Variants in CCL25 observed in about 807,000 individuals in gnomAD.
CCL25 encodes C-C motif chemokine ligand 25, also known as C-C motif chemokine 25.
In CCL25, 14 loss-of-function variants were observed where a neutral mutation model predicts 19.9. The ratio of observed to expected loss-of-function variants is 0.70; its 90% CI spans 0.47 to 1.10. The LOEUF is 1.10. CCL25 is among the 50% of genes least tolerant of loss of function. The probability of loss-of-function intolerance (pLI) is 0.00; values close to 1 mark genes in which losing one functional copy is unlikely to be tolerated. For synonymous variants in CCL25, 68 were observed against 73.2 expected, an observed-to-expected ratio of 0.93 and a Z score of 0.36; for missense variants, 151 against 181.2, an observed-to-expected ratio of 0.83 and a Z score of 0.96.
At chr19:8,061,937 C>A (rs1473855411) in intron 5 of CCL25, among the ~76,000 whole-genome samples, 2 of 151,152 alleles carry the variant, frequency 1.3e-5, no homozygotes, top group East Asian at 3.9e-4. Flanking sequence ...GTAGTTGCAG[C>A]TACTAGGGAG....
intron 2 of CCL25, among the ~76,000 whole-genome samples, chr19:8,055,845 T>C (rs2081267178): frequency 1.3e-5 from 2 of 152,114 alleles, no homozygotes; most frequent in Admixed American, 1.3e-4. Context: ...ACAGTGCACC[T>C]GCACTCCGAG....
intron 5 of CCL25, among the ~76,000 whole-genome samples, chr19:8,061,095 T>G (rs1033286033): frequency 1.3e-5 from 2 of 150,776 alleles, no homozygotes; most frequent in African/African-American, 4.9e-5. Context: ...TTCAGGTGAT[T>G]CTCCTATCTC....
intron 5 of CCL25, among the ~76,000 whole-genome samples, chr19:8,060,398 G>A (rs994616018): frequency 2.0e-5 from 3 of 152,094 alleles, no homozygotes; most frequent in African/African-American, 7.2e-5. Context: ...AGATGGAAGA[G>A]ATGCTTAGGT....
Position 8,055,028 on chromosome 19 carries a change from C to T in CCL25, c.74-1124C>T, listed in dbSNP as rs139716545. 6.6e-4 allele frequency among the ~76,000 whole-genome samples: 99 copies of T among 151,082 alleles called. 1 individual carries two copies. In the East Asian group the frequency reaches 0.015, roughly 23 times the overall value. On this transcript the variant is annotated intron_variant, in intron 2 of 5. Transcript: ENST00000315626. ...ACTATCAGCCAGGCACAGTGGCTCA[C>T]GCCTGTAATCCCAGCACTTTGAGAG...
intron 2 of CCL25, among the ~76,000 whole-genome samples, chr19:8,053,548 T>G (rs1178473321): frequency 2.8e-5 from 2 of 70,576 alleles, no homozygotes; most frequent in East Asian, 6.3e-4. Flanking sequence ...TCCTAAACCA[T>G]TTTTTTTTTT....
Position 8,062,344 on chromosome 19 carries a change from C to A in CCL25, c.*119C>A. The stretch of plus-strand genomic sequence containing the variant: ...TGTCTTTTGGGTCAAGTCTTAATCC[C>A]TGCACCTGAGTTGGTCCTCCCTCTG... On this transcript the variant is annotated 3_prime_UTR_variant, in exon 6 of 6. Coordinates refer to ENST00000315626, the MANE Select transcript of CCL25 (RefSeq NM_005624.4). 1 of 1,137,640 alleles carries A rather than the reference C, an allele frequency of 8.8e-7. No homozygotes were observed. Among genetic ancestry groups the A allele is most frequent in the Non-Finnish European group, 1.3e-6 (1 of 760,014 alleles). The allele number at this position is 1,137,640 out of a possible 1,614,324, so 70.5% of individuals were successfully genotyped here. A position where few individuals can be genotyped will look rare whatever the true frequency, so the allele number is the denominator to read the frequency against.
At chr19:8,052,958 C>G in intron 1 of CCL25, 42 bp from the exon 2 acceptor site, 1 of 796,978 alleles carries the variant, frequency 1.3e-6, no homozygotes, top group Non-Finnish European at 2.0e-6. Context: ...ACCCACTCCC[C>G]TCCTCTTCCT....
intron 5 of CCL25, among the ~76,000 whole-genome samples, chr19:8,059,065 TATA>T (rs1219925089): frequency 1.6e-4 from 8 of 49,732 alleles, no homozygotes; most frequent in African/African-American, 4.6e-4. Flanking sequence ...TATAAATATA[TATA>T]ATATATAATA....
At position 8,056,373 on chromosome 19, in the gene CCL25, C is replaced by T. The variant is rs751762620; in HGVS notation, c.199C>T (p.Leu67Phe). Residue 67 changes from leucine to phenylalanine, a missense_variant, in exon 4 of 6, where the codon CTC becomes TTC. Transcript: ENST00000315626. ...SCNLPAAIFY[L>F]PKRHRKVCGN... ...CCCCTCTGCTCACCACAGATTCTAC[C>T]TCCCCAAGAGACACAGGAAGGTGTG... 7 of 1,613,226 alleles carry T rather than the reference C, an allele frequency of 4.3e-6. 1 individual carries two copies. The South Asian group carries it at 7.7e-5, about 18-fold the overall frequency.
At chr19:8,059,979 C>G (rs565060728) in intron 5 of CCL25, among the ~76,000 whole-genome samples, 100 of 152,066 alleles carry the variant, frequency 6.6e-4, no homozygotes, top group African/African-American at 2.4e-3. Flanking sequence ...GTCCCAGTTA[C>G]TCTGGAGGCT....
chr19:8,060,603 T>TG (rs2081310962), intron 5 of CCL25, among the ~76,000 whole-genome samples: 1 of 151,568 alleles, frequency 6.6e-6, no homozygotes, highest in Non-Finnish European at 1.5e-5. Flanking sequence ...ACTGCCTAAT[T>TG]GAGCAGCTAG....
Position 8,062,381 on chromosome 19 carries a change from C to A in CCL25, c.*156C>A. ...TGGTCCTCCCTCTGCACCCCCACCA[C>A]CTCCTGCCCGTCTGGCAACTGGAAA... On this transcript the variant is annotated 3_prime_UTR_variant, in exon 6 of 6. Transcript: ENST00000315626. The A allele has an allele frequency of 1.4e-6, 1 of 720,350 alleles. No individual in the cohort carries two copies. Among genetic ancestry groups the A allele is most frequent in the Non-Finnish European group, 2.4e-6 (1 of 424,350 alleles). The allele number at this position is 720,350 out of a possible 1,614,324, so 44.6% of individuals were successfully genotyped here. A position where few individuals can be genotyped will look rare whatever the true frequency, so the allele number is the denominator to read the frequency against.
Position 8,059,140 on chromosome 19 carries a change from ATATAATATATAAT to A in CCL25, c.445+1221_445+1233del, listed in dbSNP as rs1421465331. 4.6e-3 allele frequency among the ~76,000 whole-genome samples: 92 copies of A among 19,924 alleles called. 2 individuals carry two copies. In the East Asian group the frequency reaches 0.13, roughly 29 times the overall value. The allele number at this position is 19,924 out of a possible 152,430, so 13.1% of individuals were successfully genotyped here. On this transcript the variant is annotated intron_variant, in intron 5 of 5. Transcript: ENST00000315626. ...ATATAAATATATATAAATATATATT[ATATAATATATAAT>A]ATATATAATATATAATATATATAAT...
In CCL25 at chr19:8,056,513, C is replaced by T. The variant is rs992595658; in HGVS notation, c.325+14C>T. The T allele has an allele frequency of 2.5e-6, 4 of 1,613,742 alleles. No individual in the cohort carries two copies. The highest frequency in any genetic ancestry group is 3.4e-6 in the Non-Finnish European group (4 of 1,179,914). On this transcript the variant is annotated intron_variant, in intron 4 of 5. Coordinates refer to ENST00000315626, the MANE Select transcript of CCL25 (RefSeq NM_005624.4). ...AGACCTTCCAAGGTGGGCAAGACCT[C>T]TGCTGGGCATCTAGGGGGCCTGCCC... is the stretch of plus-strand genomic sequence containing the variant.
intron 2 of CCL25, among the ~76,000 whole-genome samples, chr19:8,054,081 C>T (rs1323437796): frequency 6.6e-6 from 1 of 152,242 alleles, no homozygotes; most frequent in Non-Finnish European, 1.5e-5. Flanking sequence ...AGGACAATTC[C>T]TGGGCCTGGG....
Position 8,056,290 on chromosome 19 carries a change from T to TG in CCL25, c.191+28dup, listed in dbSNP as rs570205502. ...GCGATGTGAGTGGGGCCGTGGGGGC[T>TG]GGGGGGGTGGGGTGCACACACAGCC... is the stretch of plus-strand genomic sequence containing the variant. On this transcript the variant is annotated intron_variant, in intron 3 of 5. Transcript: ENST00000315626. 506 of 327,850 alleles carry TG rather than the reference T, an allele frequency of 1.5e-3. 1 individual carries two copies. The African/African-American group carries it at 0.036, about 23-fold the overall frequency. 20.3% of individuals were successfully genotyped at this position (327,850 alleles called of 1,614,324 possible).
In CCL25 at chr19:8,062,380, A is replaced by C; in HGVS notation, c.*155A>C. On this transcript the variant is annotated 3_prime_UTR_variant, in exon 6 of 6. Transcript: ENST00000315626. ...TTGGTCCTCCCTCTGCACCCCCACC[A>C]CCTCCTGCCCGTCTGGCAACTGGAA... 1.4e-6 allele frequency: 1 copy of C among 704,302 alleles called. No homozygotes were observed. The highest frequency in any genetic ancestry group is 2.8e-5 in the East Asian group (1 of 35,754). The allele number at this position is 704,302 out of a possible 1,614,324, so 43.6% of individuals were successfully genotyped here.
intron 5 of CCL25, 127 bp from the exon 6 acceptor site, chr19:8,062,091 C>A: frequency 2.5e-5 from 17 of 668,924 alleles, no homozygotes; most frequent in Non-Finnish European, 4.0e-5. Context: ...GATTCTAGCA[C>A]TCCTATTACT....
At chr19:8,058,066 G>A in intron 5 of CCL25, 146 bp downstream of exon 5, 5 of 1,380,926 alleles carry the variant, frequency 3.6e-6, no homozygotes, top group Non-Finnish European at 4.8e-6. Context: ...GATTCACAGG[G>A]GAGGGTCCTC....
Sources: allele counts gnomAD v4.1 joint callset (sites outside exome capture counted in the v4.1 genomes callset), GRCh38; gene constraint gnomAD v4.1.1; transcripts MANE v1.5; gene names NCBI Gene and HGNC (gene_info 2026-07-23, HGNC 2026-07-21).